Variants in UBR4 observed in about 807,000 individuals in gnomAD.
UBR4 encodes E3 ubiquitin-protein ligase UBR4.
A neutral mutation model predicts 575.6 loss-of-function variants in UBR4; 124 were observed. The observed-to-expected ratio is 0.22, with a 90% CI of 0.19 to 0.25. UBR4 has a LOEUF of 0.25. Among genes scored for constraint, UBR4 ranks in the 10% least tolerant of loss-of-function variants. The probability of loss-of-function intolerance (pLI) is 1.00; values close to 1 mark genes in which losing one functional copy is unlikely to be tolerated. For missense variants in UBR4, 4,818 were observed against 6,478.8 expected (o/e 0.74, Z 8.80); for synonymous variants, 2,455 against 2,473.7 (o/e 0.99, Z 0.22).
rs1447897912 is a variant in UBR4 at position 19,164,779 on chromosome 1, C to T, written c.4511+20G>A. On this transcript the variant is annotated intron_variant, in intron 32 of 105. Coordinates refer to ENST00000375254, the MANE Select transcript of UBR4 (RefSeq NM_020765.3). ...TTCTGGGGTTGCTAGGGAAACACGACAGAAATGTAGTTGTTCTACCTGTTT... is the reference window on the plus strand; with the variant it reads ...TTCTGGGGTTGCTAGGGAAACACGATAGAAATGTAGTTGTTCTACCTGTTT... 1.9e-6 allele frequency: 3 copies of T among 1,609,864 alleles called. No homozygotes were observed. Among genetic ancestry groups the T allele is most frequent in the South Asian group, 1.1e-5 (1 of 91,044 alleles).
chr1:19,201,849 C>T, intron 1 of UBR4, 34 bp from the exon 2 acceptor site: 2 of 1,590,290 alleles, frequency 1.3e-6, no homozygotes, highest in Non-Finnish European at 1.7e-6. Flanking sequence ...CCAGCATCTG[C>T]TTAGCGCTTA....
intron 48 of UBR4, chr1:19,151,064 T>TCCCCTACCCC (rs2085622484): frequency 3.9e-6 from 2 of 509,740 alleles, no homozygotes; most frequent in Non-Finnish European, 7.1e-6. Context: ...CTTCAGAGTA[T>TCCCCTACCCC]TGTATCCCCT....
intron 55 of UBR4, among the ~76,000 whole-genome samples, chr1:19,142,992 C>T (rs532224023): frequency 1.3e-5 from 2 of 151,422 alleles, no homozygotes; most frequent in African/African-American, 2.4e-5. Context: ...CACGGTGGCA[C>T]GCGCCTATAA....
intron 55 of UBR4, among the ~76,000 whole-genome samples, chr1:19,143,178 GA>G (rs1237866570): frequency 7.2e-6 from 1 of 138,124 alleles, no homozygotes; most frequent in African/African-American, 2.7e-5. Flanking sequence ...AAGGAAGGAA[GA>G]AAAAAGAAAG....
chr1:19,085,083 C>A (rs1007293338), intron 101 of UBR4, among the ~76,000 whole-genome samples: 1 of 152,246 alleles, frequency 6.6e-6, no homozygotes, highest in African/African-American at 2.4e-5. Flanking sequence ...GCTCTTCAAT[C>A]TCCAAATAAA....
intron 92 of UBR4, 36 bp downstream of exon 92, chr1:19,096,487 A>G (rs760877248): frequency 6.2e-7 from 1 of 1,602,710 alleles, no homozygotes; most frequent in Non-Finnish European, 8.5e-7. Flanking sequence ...CCAGTGCAGA[A>G]AGGCTGGCCC....
In UBR4 at chr1:19,097,191, A is replaced by T. The variant is rs1382795140; in HGVS notation, c.13390+2T>A. 1 of 1,611,324 alleles carries T rather than the reference A, an allele frequency of 6.2e-7. No individual in the cohort carries two copies. The highest frequency in any genetic ancestry group is 1.3e-5 in the African/African-American group (1 of 74,816). On this transcript the variant is annotated splice_donor_variant, in intron 91 of 105. Coordinates refer to ENST00000375254, the MANE Select transcript of UBR4 (RefSeq NM_020765.3). LOFTEE classifies it high-confidence loss of function. ...GATCCAATGTGCAGTGCCATGATCTACCTGTAGTAGAGTCCAGGGACTCAA... is the reference window on the plus strand; with the variant it reads ...GATCCAATGTGCAGTGCCATGATCTTCCTGTAGTAGAGTCCAGGGACTCAA...
rs969576338 is a variant in UBR4, at chr1:19,110,040, A to C, written c.12105+56T>G. ...GAGGAGGCAGGGCACACTGCCAGGG[A>C]ATGAGGAGGGTGGCCGCCCTGCCCT... On this transcript the variant is annotated intron_variant, in intron 81 of 105. Transcript: ENST00000375254. The surrounding 1 kb of genome is among the most constrained non-coding windows in gnomAD (Gnocchi z 4.5). The C allele has an allele frequency of 6.2e-7, 1 of 1,609,062 alleles. No homozygotes were observed. Among genetic ancestry groups the C allele is most frequent in the African/African-American group, 1.3e-5 (1 of 74,830 alleles).
chr1:19,090,921 C>T (rs545846012), intron 97 of UBR4, among the ~76,000 whole-genome samples: 1 of 151,974 alleles, frequency 6.6e-6, no homozygotes, highest in South Asian at 2.1e-4. Context: ...ATGGTGAAAC[C>T]CCGAGTCTAC....
At chr1:19,129,126 C>T in intron 60 of UBR4, 52 bp from the exon 61 acceptor site, 1 of 1,501,598 alleles carries the variant, frequency 6.7e-7, no homozygotes, top group Non-Finnish European at 9.2e-7. Context: ...CAACAGGACA[C>T]AGCTGAATAC....
At chr1:19,181,362 C>CT (rs2090938748) in intron 17 of UBR4, among the ~76,000 whole-genome samples, 1 of 152,010 alleles carries the variant, frequency 6.6e-6, no homozygotes, top group Non-Finnish European at 1.5e-5. Flanking sequence ...ATCCCCACCT[C>CT]TAAAAAAAAA....
chr1:19,209,959 G>A lies in UBR4; in HGVS notation c.176+114C>T, dbSNP rs981833405. 12 of 1,338,510 alleles carry A rather than the reference G, an allele frequency of 9.0e-6. No individual in the cohort carries two copies. In the Admixed American group the frequency reaches 1.9e-4, roughly 21 times the overall value. 82.9% of individuals were successfully genotyped at this position (1,338,510 alleles called of 1,614,324 possible). A position where few individuals can be genotyped will look rare whatever the true frequency, so the allele number is the denominator to read the frequency against. On this transcript the variant is annotated intron_variant, in intron 1 of 105. Coordinates refer to ENST00000375254, the MANE Select transcript of UBR4 (RefSeq NM_020765.3). ...GGCCCGGGACCCCGAAGCCGTGGCT[G>A]TGGCGGGGATCCTCAAGGGGGCAGG...
intron 64 of UBR4, among the ~76,000 whole-genome samples, chr1:19,126,205 C>T (rs755451155): frequency 2.4e-4 from 36 of 152,082 alleles, no homozygotes; most frequent in Non-Finnish European, 2.5e-4. Context: ...TAATGTGAAA[C>T]GAGATAACCA....
intron 20 of UBR4, among the ~76,000 whole-genome samples, chr1:19,176,283 G>C (rs540252015): frequency 6.6e-6 from 1 of 150,876 alleles, no homozygotes; most frequent in East Asian, 2.0e-4. Flanking sequence ...CAGTAGAGAT[G>C]GGGTTTCACC....
At chr1:19,151,519 G>A (rs1396226214) in intron 48 of UBR4, 124 bp downstream of exon 48, 1 of 1,064,022 alleles carries the variant, frequency 9.4e-7, no homozygotes, top group Non-Finnish European at 1.4e-6. Context: ...AAAGTTTCCT[G>A]ATGAAAGGAC....
intron 21 of UBR4, 24 bp from the exon 22 acceptor site, chr1:19,174,471 T>A (rs375627862): frequency 1.2e-6 from 2 of 1,601,496 alleles, no homozygotes; most frequent in African/African-American, 2.7e-5. Context: ...AGAAAGAGAG[T>A]CATTTCCTTA....
chr1:19,198,660 C>A lies in UBR4; in HGVS notation c.529G>T (p.Ala177Ser), dbSNP rs111928858. The A allele has an allele frequency of 1.7e-3, 2,748 of 1,614,112 alleles. 44 individuals are homozygous for A. The African/African-American group carries it at 0.032, about 19-fold the overall frequency. Residue 177 changes from alanine to serine, a missense_variant, in exon 5 of 106, where the codon GCC (alanine) becomes TCC (serine). Physicochemically the swap from Ala to Ser is moderately conservative, Grantham distance 99. Transcript: ENST00000375254. ...CTCAACTCAGGGCTTACTGGTGAGG[C>A]CAGCTCTTTCTGATCTTCCACTGTA... ...LSDVEDQKEL[A>S]SPVSPELRQK...
rs147427877 is a variant in UBR4, at chr1:19,129,085, G to A, written c.8907-11C>T. On this transcript the variant is annotated splice_polypyrimidine_tract_variant and intron_variant, in intron 60 of 105. Coordinates refer to ENST00000375254, the MANE Select transcript of UBR4 (RefSeq NM_020765.3). ...CGGACCATGTGCAGCCTAAAAGGGT[G>A]GGGAAAAGATAGAAAATATGAGCTG... The A allele has an allele frequency of 1.8e-3, 2,829 of 1,612,120 alleles. 9 individuals are homozygous for A. The Middle Eastern group carries it at 0.018, about 10-fold the overall frequency.
Position 19,148,603 on chromosome 1 carries a change from G to A in UBR4, c.7454C>T (p.Ala2485Val). Residue 2485 changes from alanine (A) to valine (V), a missense_variant, in exon 50 of 106, where the codon GCC (alanine) becomes GTC (valine). Ala to Val is a moderately conservative substitution (Grantham distance 64). Coordinates refer to ENST00000375254, the MANE Select transcript of UBR4 (RefSeq NM_020765.3). ...GCCAACGGCAAAGCAGCTTTCCAGG[G>A]CTTCTAAAGAACTCACAACCAGCCT... ...LERLVVSSLE[A>V]LESCFAVGPI... is the part of the protein sequence containing the mutation. 6.2e-7 allele frequency: 1 copy of A among 1,614,220 alleles called. No individual in the cohort carries two copies. Among genetic ancestry groups the A allele is most frequent in the Non-Finnish European group, 8.5e-7 (1 of 1,180,042 alleles).
Sources: gnomAD v4.1 joint callset for allele counts (sites outside exome capture counted in the v4.1 genomes callset) on GRCh38, gnomAD v4.1.1 for gene constraint, Gnocchi (gnomAD v3.1) non-coding constraint, MANE v1.5 for transcripts, NCBI Gene and HGNC (gene_info 2026-07-23, HGNC 2026-07-21) for gene names.